The following FAM120A variants were observed in gnomAD, a reference collection of about 807,000 sequenced individuals.
The protein encoded by FAM120A is constitutive coactivator of PPAR-gamma-like protein 1.
A neutral mutation model predicts 109.7 loss-of-function variants in FAM120A; 15 were observed. That is an observed-to-expected ratio of 0.14 (90% CI 0.09 to 0.21). FAM120A has a LOEUF of 0.21. Among genes scored for constraint, FAM120A ranks in the 10% least tolerant of loss-of-function variants. The pLI is 1.00. For missense variants in FAM120A, 899 were observed against 1,439.3 expected, an observed-to-expected ratio of 0.62 and a Z score of 6.07; for synonymous variants, 493 against 572.8, an observed-to-expected ratio of 0.86 and a Z score of 1.99.
chr9:93,525,761 C>T (rs958061793), intron 7 of FAM120A, among the ~76,000 whole-genome samples: 1 of 152,174 alleles, frequency 6.6e-6, no homozygotes, highest in African/African-American at 2.4e-5. Context: ...TGGTTTTTGA[C>T]GTGTCTGAGC....
In FAM120A at chr9:93,452,856, G is replaced by C. The variant is rs369571714; in HGVS notation, c.474+467G>C. 1 of 1,486,622 alleles carries C rather than the reference G, an allele frequency of 6.7e-7. No homozygotes were observed. Among genetic ancestry groups the C allele is most frequent in the Non-Finnish European group, 8.9e-7 (1 of 1,127,464 alleles). The allele number at this position is 1,486,622 out of a possible 1,614,324, so 92.1% of individuals were successfully genotyped here. ...TAGAGGGGGTTTCGCCAGAGCCCTT[G>C]GGGGCTGCAAATATCAGTGCTGCTG... On this transcript the variant is annotated intron_variant, in intron 1 of 17. Transcript: ENST00000277165. This position sits in a 1 kb window ranked among gnomAD's most constrained non-coding sequence, Gnocchi z 7.0.
At chr9:93,464,980 C>T (rs1234655066) in intron 1 of FAM120A, among the ~76,000 whole-genome samples, 2 of 152,128 alleles carry the variant, frequency 1.3e-5, no homozygotes, top group Non-Finnish European at 2.9e-5. Flanking sequence ...CCAGTCCAAG[C>T]CAGGCATTGG....
chr9:93,481,757 ACT>A (rs1858816947), intron 3 of FAM120A, among the ~76,000 whole-genome samples: 1 of 151,766 alleles, frequency 6.6e-6, no homozygotes, highest in Admixed American at 6.6e-5. Context: ...AGTCGGTTTT[ACT>A]CTGTTTACAC....
intron 10 of FAM120A, among the ~76,000 whole-genome samples, chr9:93,537,563 TA>T (rs1861559900): frequency 6.6e-6 from 1 of 152,076 alleles, no homozygotes; most frequent in Non-Finnish European, 1.5e-5. Context: ...ACACATGAAA[TA>T]AATATGTGGA....
chr9:93,487,354 G>A (rs1859107298), intron 3 of FAM120A, among the ~76,000 whole-genome samples: 1 of 152,048 alleles, frequency 6.6e-6, no homozygotes, highest in Non-Finnish European at 1.5e-5. Flanking sequence ...TAGAAACGGA[G>A]TTTCACCATG....
intron 3 of FAM120A, among the ~76,000 whole-genome samples, chr9:93,486,255 T>C (rs1211328166): frequency 6.6e-6 from 1 of 152,072 alleles, no homozygotes; most frequent in East Asian, 1.9e-4. Context: ...ATTACAGGCA[T>C]GAGCCCCACA....
chr9:93,509,455 A>G (rs140538641), intron 5 of FAM120A, among the ~76,000 whole-genome samples: 6 of 152,244 alleles, frequency 3.9e-5, no homozygotes, highest in African/African-American at 7.2e-5. Flanking sequence ...GTACTCTGCA[A>G]TGTGGAGGTG....
At chr9:93,524,600 G>T (rs193055145) in intron 7 of FAM120A, among the ~76,000 whole-genome samples, 1 of 152,186 alleles carries the variant, frequency 6.6e-6, no homozygotes, top group Non-Finnish European at 1.5e-5. Flanking sequence ...TGTTGCTTGT[G>T]TGCTGCATTC....
At chr9:93,526,566 A>G (rs1224532469) in intron 7 of FAM120A, among the ~76,000 whole-genome samples, 1 of 151,662 alleles carries the variant, frequency 6.6e-6, no homozygotes, top group Non-Finnish European at 1.5e-5. Context: ...AGTTCCCATG[A>G]ACTCCCTGTT....
chr9:93,524,251 T>G (rs112376129), intron 7 of FAM120A, among the ~76,000 whole-genome samples: 7,348 of 152,300 alleles, frequency 0.048, 255 homozygotes, highest in Non-Finnish European at 0.077. Flanking sequence ...CAGAAGTCAG[T>G]TTTTACTTAA....
chr9:93,478,329 A>AT (rs1858638266), intron 3 of FAM120A, among the ~76,000 whole-genome samples: 1 of 150,044 alleles, frequency 6.7e-6, no homozygotes, highest in South Asian at 2.1e-4. Flanking sequence ...ATGCATTTTG[A>AT]TATTAGCTGA....
intron 10 of FAM120A, among the ~76,000 whole-genome samples, chr9:93,539,781 A>G (rs916089435): frequency 5.3e-5 from 8 of 152,260 alleles, no homozygotes; most frequent in African/African-American, 1.9e-4. Context: ...TTTGGAAGAA[A>G]GCAGCAGCCC....
rs780203836 is a variant in FAM120A at position 93,557,996 on chromosome 9, G to T, written c.2654G>T (p.Gly885Val). 5 of 1,594,550 alleles carry T rather than the reference G, an allele frequency of 3.1e-6. No homozygotes were observed. The African/African-American group carries it at 6.7e-5, about 21-fold the overall frequency. Residue 885 changes from glycine to valine, a missense_variant, in exon 14 of 18, where the codon GGC becomes GTC. By Grantham distance (109) the Gly-to-Val change is moderately radical. Coordinates refer to ENST00000277165, the MANE Select transcript of FAM120A (RefSeq NM_014612.5). ...FGPVPPSQGRGRGFAGVCGFG... is the reference protein window; with the variant it reads ...FGPVPPSQGRVRGFAGVCGFG... The stretch of plus-strand genomic sequence containing the variant: ...CCTGTCCCACCCTCTCAGGGCAGGG[G>T]CAGAGGCTTTGCAGGTGAGTTGATT...
intron 7 of FAM120A, among the ~76,000 whole-genome samples, chr9:93,517,524 G>C (rs983974739): frequency 6.6e-6 from 1 of 152,192 alleles, no homozygotes; most frequent in African/African-American, 2.4e-5. Context: ...AGATTTCTAA[G>C]GCATGTGCAT....
intron 9 of FAM120A, among the ~76,000 whole-genome samples, chr9:93,531,792 A>G (rs1007913013): frequency 2.0e-5 from 3 of 152,250 alleles, no homozygotes; most frequent in African/African-American, 7.2e-5. Flanking sequence ...GCATGTGACC[A>G]TCCCAACTCT....
At chr9:93,465,444 A>G (rs935480572) in intron 1 of FAM120A, among the ~76,000 whole-genome samples, 1 of 152,150 alleles carries the variant, frequency 6.6e-6, no homozygotes, top group Admixed American at 6.5e-5. Context: ...CTGTTTTTAT[A>G]TAATAGGCTT....
chr9:93,543,816 AG>A (rs1374332083), intron 11 of FAM120A, among the ~76,000 whole-genome samples: 1 of 152,300 alleles, frequency 6.6e-6, no homozygotes, highest in Admixed American at 6.5e-5. Flanking sequence ...GTTCTTCTGT[AG>A]GGAAAATGTG....
At chr9:93,518,930 AT>A (rs576706111) in intron 7 of FAM120A, among the ~76,000 whole-genome samples, 129 of 150,362 alleles carry the variant, frequency 8.6e-4, no homozygotes, top group African/African-American at 2.8e-3. Context: ...TTTTTTTCTG[AT>A]TTTTTTTTTA....
chr9:93,470,260 G>T (rs984478416), intron 1 of FAM120A, among the ~76,000 whole-genome samples: 1 of 152,204 alleles, frequency 6.6e-6, no homozygotes, highest in Non-Finnish European at 1.5e-5. Flanking sequence ...TTGGATTAAT[G>T]AGTATGTGAA....
Sources: gnomAD v4.1 joint callset for allele counts (sites outside exome capture counted in the v4.1 genomes callset) on GRCh38, gnomAD v4.1.1 for gene constraint, Gnocchi (gnomAD v3.1) non-coding constraint, MANE v1.5 for transcripts, NCBI Gene and HGNC (gene_info 2026-07-23, HGNC 2026-07-21) for gene names.